PCDHA1: variants seen among roughly 807,000 people sequenced by gnomAD.
The protein encoded by PCDHA1 is protocadherin alpha-1.
In PCDHA1, 42 loss-of-function variants were observed where a neutral mutation model predicts 61.3. That is an observed-to-expected ratio of 0.69 (90% CI 0.54 to 0.89). PCDHA1 has a LOEUF of 0.89. Among genes scored for constraint, PCDHA1 ranks in the 40% least tolerant of loss-of-function variants. The pLI is 0.00. For synonymous variants in PCDHA1, 610 were observed against 553.8 expected (o/e 1.10, Z -1.43); for missense variants, 1,256 against 1,235.3 (o/e 1.02, Z -0.25).
At chr5:140,963,206 AC>A (rs145404740) in intron 1 of PCDHA1, among the ~76,000 whole-genome samples, 1,595 of 152,188 alleles carry the variant, frequency 0.01, 28 homozygotes, top group African/African-American at 0.037. Context: ...GAAAAAAAAA[AC>A]CTCGTGTTTA....
intron 1 of PCDHA1, chr5:140,829,429 C>G: frequency 5.0e-6 from 8 of 1,614,012 alleles, no homozygotes; most frequent in African/African-American, 1.3e-5. Context: ...TGGAGGTGGC[C>G]GACATGAATG....
At chr5:140,871,249 C>T (rs782675743) in intron 1 of PCDHA1, 1 of 1,613,984 alleles carries the variant, frequency 6.2e-7, no homozygotes, top group Non-Finnish European at 8.5e-7. Context: ...CACGCTGCTG[C>T]TGTATACGGC....
At chr5:140,877,654 A>T in intron 1 of PCDHA1, 1 of 1,613,490 alleles carries the variant, frequency 6.2e-7, no homozygotes, top group South Asian at 1.1e-5. Flanking sequence ...AGCGCCGCCC[A>T]CCGTGAGCCG....
At chr5:140,823,262 G>A in intron 1 of PCDHA1, 4 of 1,612,940 alleles carry the variant, frequency 2.5e-6, no homozygotes, top group Non-Finnish European at 3.4e-6. Context: ...CTGGTGGAGC[G>A]GCGGGTGGGC....
At chr5:141,008,238 G>A (rs2098366224) in intron 3 of PCDHA1, among the ~76,000 whole-genome samples, 1 of 152,046 alleles carries the variant, frequency 6.6e-6, no homozygotes, top group Admixed American at 6.6e-5. Context: ...TACTGCTCAG[G>A]GACACCAAAT....
At chr5:140,882,558 G>C (rs782792864) in intron 1 of PCDHA1, 3 of 1,614,130 alleles carry the variant, frequency 1.9e-6, no homozygotes, top group African/African-American at 1.3e-5. Flanking sequence ...GAGCTGTGTG[G>C]GCGGAGCGCG....
chr5:140,943,006 C>G (rs1314561126), intron 1 of PCDHA1, among the ~76,000 whole-genome samples: 1 of 151,932 alleles, frequency 6.6e-6, no homozygotes, highest in East Asian at 1.9e-4. Context: ...CCTGTAATCC[C>G]AGCACTTTGG....
intron 1 of PCDHA1, among the ~76,000 whole-genome samples, chr5:140,839,041 C>A (rs1776010412): frequency 6.6e-6 from 1 of 151,884 alleles, no homozygotes; most frequent in African/African-American, 2.4e-5. Context: ...GTTTTCTTTT[C>A]AACGTGAATA....
intron 1 of PCDHA1, among the ~76,000 whole-genome samples, chr5:140,945,295 T>G (rs2093770302): frequency 6.6e-6 from 1 of 152,084 alleles, no homozygotes; most frequent in Non-Finnish European, 1.5e-5. Flanking sequence ...TGAAAGAAAT[T>G]GAAGAAGACA....
At chr5:140,836,946 C>T (rs2150271412) in intron 1 of PCDHA1, 6 of 445,876 alleles carry the variant, frequency 1.3e-5, no homozygotes, top group Admixed American at 4.0e-5. Flanking sequence ...AGATCAAAAT[C>T]TATGGTTTAT....
intron 1 of PCDHA1, chr5:140,969,102 T>C: frequency 1.2e-6 from 2 of 1,614,114 alleles, no homozygotes; most frequent in African/African-American, 1.3e-5. Flanking sequence ...CCTCACTTCA[T>C]TGAAGTTCGA....
intron 1 of PCDHA1, chr5:140,883,780 G>C (rs903874944): frequency 1.2e-6 from 2 of 1,612,370 alleles, no homozygotes; most frequent in Admixed American, 1.7e-5. Flanking sequence ...AGCGTGCGCT[G>C]TCGAGCTACG....
Position 140,841,598 on chromosome 5 carries a change from G to T in PCDHA1, c.2394+52914G>T, listed in dbSNP as rs2150318945. 1.9e-6 allele frequency: 3 copies of T among 1,614,142 alleles called. No homozygotes were observed. The South Asian group carries it at 3.3e-5, about 18-fold the overall frequency. On this transcript the variant is annotated intron_variant, in intron 1 of 3. Coordinates refer to ENST00000504120, the MANE Select transcript of PCDHA1 (RefSeq NM_018900.4). ...GTTTGTGAATTCTCGGATCGACCGCGAGGAGCTGTGCGGGCGGAGCGCGGA... is the reference window on the plus strand; with the variant it reads ...GTTTGTGAATTCTCGGATCGACCGCTAGGAGCTGTGCGGGCGGAGCGCGGA...
intron 1 of PCDHA1, among the ~76,000 whole-genome samples, chr5:140,897,416 T>C (rs1233824796): frequency 6.9e-6 from 1 of 145,554 alleles, no homozygotes; most frequent in African/African-American, 2.5e-5. Flanking sequence ...TCAATTCCCA[T>C]CTATGAGTGA....
chr5:140,848,314 G>T, intron 1 of PCDHA1: 1 of 733,978 alleles, frequency 1.4e-6, no homozygotes, highest in Non-Finnish European at 2.3e-6. Context: ...ACTCTTTGCC[G>T]CGATGTTCTC....
chr5:140,803,171 A>C lies in PCDHA1; in HGVS notation c.2394+14487A>C, dbSNP rs1289199401. 3 of 1,613,746 alleles carry C rather than the reference A, an allele frequency of 1.9e-6. No individual in the cohort carries two copies. The East Asian group carries it at 6.7e-5, about 36-fold the overall frequency. On this transcript the variant is annotated intron_variant, in intron 1 of 3. Coordinates refer to ENST00000504120, the MANE Select transcript of PCDHA1 (RefSeq NM_018900.4). ...TGGTGAAGGACCACGGTGAACCCTC[A>C]TTGACCGCCACGGCCACTGTGCTGG... is the stretch of plus-strand genomic sequence containing the variant.
rs369808605 is a variant in PCDHA1 at position 140,786,898 on chromosome 5, A to T, written c.608A>T (p.Glu203Val). ...WLELRKYLDR[E>V]ETPELHLLLT... is the part of the protein sequence containing the mutation. Reference sequence around the variant, plus strand: ...GAATTGAGAAAATATTTGGATAGAGAAGAAACACCAGAACTTCACTTATTA... The same window carrying T: ...GAATTGAGAAAATATTTGGATAGAGTAGAAACACCAGAACTTCACTTATTA... Residue 203 changes from glutamate (E) to valine (V), a missense_variant, in exon 1 of 4, where the codon GAA becomes GTA. Physicochemically the swap from Glu to Val is moderately radical, Grantham distance 121. Coordinates refer to ENST00000504120, the MANE Select transcript of PCDHA1 (RefSeq NM_018900.4). 2.5e-6 allele frequency: 4 copies of T among 1,614,180 alleles called. No individual in the cohort carries two copies. The highest frequency in any genetic ancestry group is 2.5e-6 in the Non-Finnish European group (3 of 1,180,024).
rs370989006 is a variant in PCDHA1, at chr5:141,009,739, C to G, written c.2655C>G (p.Pro885=). The G allele has an allele frequency of 1.2e-6, 2 of 1,614,010 alleles. No homozygotes were observed. Among genetic ancestry groups the G allele is most frequent in the Non-Finnish European group, 8.5e-7 (1 of 1,180,008 alleles). The change falls in exon 4 of 4, where the codon CCC becomes CCG. Residue 885 remains proline (P), a synonymous_variant. Transcript: ENST00000504120. ...AACAATCCGGTCCCGGTGAGTTGCCCGACAAATTCATTATCCCAGGATCTC... is the reference window on the plus strand; with the variant it reads ...AACAATCCGGTCCCGGTGAGTTGCCGGACAAATTCATTATCCCAGGATCTC... The part of the protein sequence containing the change: ...NPKQSGPGEL[P]DKFIIPGSPA...
At position 140,884,506 on chromosome 5, in the gene PCDHA1, G is replaced by C. The variant is rs10076265; in HGVS notation, c.2395-94443G>C. 4,595 of 1,614,168 alleles carry C rather than the reference G, an allele frequency of 2.8e-3. 101 individuals are homozygous for C. In the African/African-American group the frequency reaches 0.053, roughly 19 times the overall value. On this transcript the variant is annotated intron_variant, in intron 1 of 3. Coordinates refer to ENST00000504120, the MANE Select transcript of PCDHA1 (RefSeq NM_018900.4). Reference sequence around the variant, plus strand: ...CTCTAGTGTGCTCCAGCGCGGCAGGGAGTTGGTCGTACTCGCAGCAGAGGC... The same window carrying C: ...CTCTAGTGTGCTCCAGCGCGGCAGGCAGTTGGTCGTACTCGCAGCAGAGGC...
Sources: gnomAD v4.1 joint callset for allele counts (sites outside exome capture counted in the v4.1 genomes callset) on GRCh38, gnomAD v4.1.1 for gene constraint, MANE v1.5 for transcripts, NCBI Gene and HGNC (gene_info 2026-07-23, HGNC 2026-07-21) for gene names.